Variants in CSNK2A2IP observed in about 807,000 individuals in gnomAD.
CSNK2A2IP encodes the protein casein kinase 2 subunit alpha' interacting protein, also known as casein kinase II subunit alpha'-interacting protein.
chr3:88,425,806 T>C, the CSNK2A2IP span, among the ~76,000 whole-genome samples: 22 of 152,256 alleles, frequency 1.4e-4, 2 homozygotes, highest in East Asian at 4.1e-3. Flanking sequence ...CCAAGATTAT[T>C]TGGTAGAACT....
the CSNK2A2IP span, among the ~76,000 whole-genome samples, chr3:88,419,122 A>G: frequency 6.6e-6 from 1 of 152,188 alleles, no homozygotes; most frequent in Non-Finnish European, 1.5e-5. Context: ...TGAGTCTACA[A>G]TAAGGTGAGT....
chr3:88,404,334 AT>A, the CSNK2A2IP span, among the ~76,000 whole-genome samples: 1 of 152,184 alleles, frequency 6.6e-6, no homozygotes, highest in Admixed American at 6.5e-5. Flanking sequence ...AGGATTTCAG[AT>A]TAAAAGTGAA....
At chr3:88,386,309 A>T in the CSNK2A2IP span, among the ~76,000 whole-genome samples, 1 of 152,094 alleles carries the variant, frequency 6.6e-6, no homozygotes, top group African/African-American at 2.4e-5. Flanking sequence ...TATTTTTAGT[A>T]GAGACAGGGT....
chr3:88,465,677 G>A, the CSNK2A2IP span: 3 of 1,231,474 alleles, frequency 2.4e-6, no homozygotes, highest in Admixed American at 4.2e-5. Context: ...GGCCTCCACT[G>A]GAGAAGTTCA....
chr3:88,377,055 C>G, the CSNK2A2IP span, among the ~76,000 whole-genome samples: 1 of 151,796 alleles, frequency 6.6e-6, no homozygotes, highest in Admixed American at 6.6e-5. Context: ...GTTCTCCACC[C>G]TCCTTCCAAT....
the CSNK2A2IP span, among the ~76,000 whole-genome samples, chr3:88,358,299 C>A: frequency 2.0e-5 from 3 of 151,644 alleles, no homozygotes; most frequent in Non-Finnish European, 4.4e-5. Context: ...TTGACTTTTT[C>A]TTTTCCAATT....
At chr3:88,414,836 G>A in the CSNK2A2IP span, among the ~76,000 whole-genome samples, 3 of 152,096 alleles carry the variant, frequency 2.0e-5, no homozygotes, top group South Asian at 2.1e-4. Context: ...GGACTGTACA[G>A]TATGTTAGTT....
the CSNK2A2IP span, among the ~76,000 whole-genome samples, chr3:88,424,398 T>C: frequency 2.0e-5 from 3 of 152,180 alleles, no homozygotes; most frequent in Non-Finnish European, 4.4e-5. Flanking sequence ...TAATGTGACG[T>C]TGTACAAACA....
the CSNK2A2IP span, among the ~76,000 whole-genome samples, chr3:88,358,795 TG>T: frequency 2.0e-5 from 3 of 152,126 alleles, no homozygotes; most frequent in East Asian, 5.8e-4. Flanking sequence ...CAGCAGTTTT[TG>T]TTGTTGTTGT....
chr3:88,385,102 C>T, the CSNK2A2IP span, among the ~76,000 whole-genome samples: 1 of 152,144 alleles, frequency 6.6e-6, no homozygotes, highest in African/African-American at 2.4e-5. Flanking sequence ...TATTCCATAG[C>T]ATTAAATCAC....
the CSNK2A2IP span, among the ~76,000 whole-genome samples, chr3:88,340,517 A>G: frequency 6.6e-6 from 1 of 151,910 alleles, no homozygotes; most frequent in Non-Finnish European, 1.5e-5. Context: ...TAGTACCAAG[A>G]TCTCTCCCCT....
chr3:88,400,514 G>T, the CSNK2A2IP span, among the ~76,000 whole-genome samples: 35 of 152,268 alleles, frequency 2.3e-4, no homozygotes, highest in Admixed American at 6.5e-4. Context: ...CTTGAGATAA[G>T]ATTATCATGG....
the CSNK2A2IP span, among the ~76,000 whole-genome samples, chr3:88,362,635 A>T: frequency 6.6e-6 from 1 of 152,150 alleles, no homozygotes; most frequent in Non-Finnish European, 1.5e-5. Context: ...GCTGCTCCTG[A>T]TGTTTATTCA....
At chr3:88,409,768 C>T in the CSNK2A2IP span, among the ~76,000 whole-genome samples, 1 of 151,856 alleles carries the variant, frequency 6.6e-6, no homozygotes, top group Admixed American at 6.6e-5. Context: ...TATTTTTGCT[C>T]CGTCTCCTAG....
chr3:88,407,776 T>C, the CSNK2A2IP span, among the ~76,000 whole-genome samples: 64 of 152,138 alleles, frequency 4.2e-4, no homozygotes, highest in African/African-American at 1.5e-3. Context: ...CAGGGTGGAG[T>C]GCAGTGGCGC....
chr3:88,364,269 T>C, the CSNK2A2IP span, among the ~76,000 whole-genome samples: 1 of 152,018 alleles, frequency 6.6e-6, no homozygotes, highest in Non-Finnish European at 1.5e-5. Context: ...ATTTTATATG[T>C]TTTGTCTGTT....
chr3:88,377,197 C>T, the CSNK2A2IP span, among the ~76,000 whole-genome samples: 1 of 151,752 alleles, frequency 6.6e-6, no homozygotes, highest in African/African-American at 2.4e-5. Flanking sequence ...AAGTCCTTAA[C>T]CTGAAGTCCT....
chr3:88,354,874 C>A, the CSNK2A2IP span, among the ~76,000 whole-genome samples: 1 of 152,174 alleles, frequency 6.6e-6, no homozygotes, highest in South Asian at 2.1e-4. Context: ...AAAGAGAGAT[C>A]TCTTGATGTC....
chr3:88,353,382 A>T, the CSNK2A2IP span, among the ~76,000 whole-genome samples: 1 of 152,218 alleles, frequency 6.6e-6, no homozygotes, highest in African/African-American at 2.4e-5. Context: ...GTATTAATAA[A>T]TTGGATTTGT....
Sources: gnomAD v4.1 joint callset for allele counts (sites outside exome capture counted in the v4.1 genomes callset) on GRCh38, gnomAD v4.1.1 for gene constraint, MANE v1.5 for transcripts, NCBI Gene and HGNC (gene_info 2026-07-23, HGNC 2026-07-21) for gene names.